KCNH5: variants seen among roughly 807,000 people sequenced by gnomAD.
KCNH5 encodes the protein voltage-gated delayed rectifier potassium channel KCNH5.
KCNH5 carries 46 observed loss-of-function variants against 96.1 expected under a neutral mutation model. The ratio of observed to expected loss-of-function variants is 0.48; its 90% CI spans 0.38 to 0.61. KCNH5 has a LOEUF of 0.61. Ranked by LOEUF, KCNH5 falls within the 20% of genes least tolerant of loss-of-function variation. KCNH5 has a pLI of 0.00. For missense variants in KCNH5, 907 were observed against 1,225.8 expected (o/e 0.74, Z 3.88); for synonymous variants, 439 against 449.8 (o/e 0.98, Z 0.30).
At chr14:62,888,143 G>C (rs1753907091) in intron 7 of KCNH5, among the ~76,000 whole-genome samples, 1 of 152,176 alleles carries the variant, frequency 6.6e-6, no homozygotes, top group African/African-American at 2.4e-5. Context: ...TATTTTATTA[G>C]ATTTGTTGTG....
chr14:62,799,724 T>TAC (rs1409861114), intron 9 of KCNH5, among the ~76,000 whole-genome samples: 444 of 104,300 alleles, frequency 4.3e-3, no homozygotes, highest in Non-Finnish European at 5.3e-3. Flanking sequence ...TATATATATA[T>TAC]ATACACACAC....
intron 10 of KCNH5, among the ~76,000 whole-genome samples, chr14:62,754,049 G>C (rs1369476732): frequency 6.6e-6 from 1 of 152,048 alleles, no homozygotes; most frequent in Non-Finnish European, 1.5e-5. Flanking sequence ...TCAAGACATA[G>C]ACAGTACAAT....
chr14:62,726,795 T>A (rs996287221), intron 10 of KCNH5, among the ~76,000 whole-genome samples: 12 of 152,148 alleles, frequency 7.9e-5, no homozygotes, highest in African/African-American at 2.9e-4. Flanking sequence ...TAAAAAGGCA[T>A]GTACAAGGAG....
chr14:62,818,983 T>C (rs1887057371), intron 8 of KCNH5, among the ~76,000 whole-genome samples: 2 of 152,190 alleles, frequency 1.3e-5, no homozygotes, highest in Non-Finnish European at 2.9e-5. Context: ...TTTATTTTTT[T>C]TGAGACGGAG....
chr14:62,930,571 A>G (rs1595689070), intron 7 of KCNH5, among the ~76,000 whole-genome samples: 1 of 152,186 alleles, frequency 6.6e-6, no homozygotes, highest in Non-Finnish European at 1.5e-5. Context: ...TCCTACACTG[A>G]CTGCCTCAGG....
intron 7 of KCNH5, among the ~76,000 whole-genome samples, chr14:62,915,951 C>CT (rs1039693919): frequency 6.2e-4 from 86 of 138,538 alleles, no homozygotes; most frequent in African/African-American, 2.0e-3. Flanking sequence ...CTTTTTTTTT[C>CT]TTTTTTTTCT....
chr14:62,953,569 T>C (rs1890045919), intron 6 of KCNH5, among the ~76,000 whole-genome samples: 1 of 152,158 alleles, frequency 6.6e-6, no homozygotes, highest in Non-Finnish European at 1.5e-5. Context: ...TTATCTTCTA[T>C]CATGTGAATG....
intron 4 of KCNH5, among the ~76,000 whole-genome samples, chr14:62,988,059 G>T (rs980008938): frequency 2.6e-5 from 4 of 151,966 alleles, no homozygotes; most frequent in African/African-American, 9.7e-5. Context: ...AGTGACTTTT[G>T]GGGGAAAGAA....
rs935316216 is a variant in KCNH5, at chr14:62,950,356, G to A, written c.1146C>T (p.Thr382=). Residue 382 remains threonine, a synonymous_variant, in exon 7 of 11, where the codon ACC becomes ACT. Coordinates refer to ENST00000322893, the MANE Select transcript of KCNH5 (RefSeq NM_139318.5). ...GGTAGAGCCAACTGTCTATTTGGAT[G>A]GTGTTAGTGACTTCATCAATGACCT... The part of the protein sequence containing the change: ...DYEVIDEVTN[T]IQIDSWLYQL... The A allele has an allele frequency of 1.9e-6, 3 of 1,613,854 alleles. No individual in the cohort carries two copies. The highest frequency in any genetic ancestry group is 2.5e-6 in the Non-Finnish European group (3 of 1,179,974).
intron 10 of KCNH5, among the ~76,000 whole-genome samples, chr14:62,736,575 T>C (rs1404835286): frequency 2.6e-5 from 4 of 152,082 alleles, no homozygotes; most frequent in Admixed American, 2.6e-4. Context: ...CTTGAGATAA[T>C]GCCCCGCAGG....
rs965521560 is a variant in KCNH5 at position 62,708,595 on chromosome 14, T to A, written c.2020-140A>T. The A allele has an allele frequency of 1.1e-4, 60 of 549,856 alleles. No homozygotes were observed. Among genetic ancestry groups the A allele is most frequent in the Middle Eastern group, 4.8e-4 (1 of 2,098 alleles). The allele number at this position is 549,856 out of a possible 1,614,324, so 34.1% of individuals were successfully genotyped here. A position where few individuals can be genotyped will look rare whatever the true frequency, so the allele number is the denominator to read the frequency against. On this transcript the variant is annotated intron_variant, in intron 10 of 10. Coordinates refer to ENST00000322893, the MANE Select transcript of KCNH5 (RefSeq NM_139318.5). ...AAGATTATTTCTCAAGAAAAAAAAATTTAAATACCATTTATGGAATTGCAT... is the reference window on the plus strand; with the variant it reads ...AAGATTATTTCTCAAGAAAAAAAAAATTAAATACCATTTATGGAATTGCAT...
At chr14:62,765,719 G>A (rs569193604) in intron 10 of KCNH5, among the ~76,000 whole-genome samples, 9 of 152,042 alleles carry the variant, frequency 5.9e-5, no homozygotes, top group Non-Finnish European at 2.9e-5. Context: ...GAAAATTTAA[G>A]ACCTCAAACT....
chr14:62,808,487 G>T (rs1886813803), intron 8 of KCNH5, among the ~76,000 whole-genome samples: 1 of 152,020 alleles, frequency 6.6e-6, no homozygotes, highest in South Asian at 2.1e-4. Flanking sequence ...TAACCTTATG[G>T]TTAAACATTA....
intron 10 of KCNH5, among the ~76,000 whole-genome samples, chr14:62,738,941 T>A (rs1408869339): frequency 6.6e-6 from 1 of 152,104 alleles, no homozygotes; most frequent in East Asian, 1.9e-4. Context: ...GAGATGGTGT[T>A]ACTTTAGCTG....
At chr14:62,789,041 A>C (rs59339140) in intron 9 of KCNH5, among the ~76,000 whole-genome samples, 2,572 of 152,100 alleles carry the variant, frequency 0.017, 79 homozygotes, top group African/African-American at 0.059. Context: ...TTCATCCTAC[A>C]TGTGTGCTAT....
At chr14:62,852,278 T>TA (rs1371416629) in intron 7 of KCNH5, among the ~76,000 whole-genome samples, 3 of 152,208 alleles carry the variant, frequency 2.0e-5, no homozygotes, top group Non-Finnish European at 2.9e-5. Context: ...ACCTGGATCT[T>TA]ACTTGTATTT....
rs567729037 is a variant in KCNH5 at position 62,968,596 on chromosome 14, A to T, written c.942+12276T>A. On this transcript the variant is annotated intron_variant, in intron 6 of 10. Coordinates refer to ENST00000322893, the MANE Select transcript of KCNH5 (RefSeq NM_139318.5). ...AAGGATATGCCCTATAGTCTGTGAGAAGAAAGAGTTTAGAGCACAGCTAAG... is the reference window on the plus strand; with the variant it reads ...AAGGATATGCCCTATAGTCTGTGAGTAGAAAGAGTTTAGAGCACAGCTAAG... 3.9e-5 allele frequency among the ~76,000 whole-genome samples: 6 copies of T among 152,346 alleles called. No homozygotes were observed. In the South Asian group the frequency reaches 1.2e-3, roughly 32 times the overall value.
At chr14:63,025,606 AT>A (rs1186856517) in intron 1 of KCNH5, among the ~76,000 whole-genome samples, 1 of 100,294 alleles carries the variant, frequency 1.0e-5, no homozygotes, top group African/African-American at 3.7e-5. Context: ...AAACAATACC[AT>A]TTACAATAGT....
At position 62,713,842 on chromosome 14, in the gene KCNH5, C is replaced by T. The variant is rs186457531; in HGVS notation, c.2020-5387G>A. ...ATTAGGCCCTCTCTACAAGTCCTTACAGTTTTAGAGACAGCTTTATGACCT... is the reference window on the plus strand; with the variant it reads ...ATTAGGCCCTCTCTACAAGTCCTTATAGTTTTAGAGACAGCTTTATGACCT... On this transcript the variant is annotated intron_variant, in intron 10 of 10. Coordinates refer to ENST00000322893, the MANE Select transcript of KCNH5 (RefSeq NM_139318.5). 7.9e-4 allele frequency among the ~76,000 whole-genome samples: 120 copies of T among 152,322 alleles called. 1 individual carries two copies. The highest frequency in any genetic ancestry group is 2.8e-3 in the African/African-American group (116 of 41,576).
Sources: gnomAD v4.1 joint callset for allele counts (sites outside exome capture counted in the v4.1 genomes callset) on GRCh38, gnomAD v4.1.1 for gene constraint, MANE v1.5 for transcripts, NCBI Gene and HGNC (gene_info 2026-07-23, HGNC 2026-07-21) for gene names.